TNKS: variants seen among roughly 807,000 people sequenced by gnomAD.
TNKS encodes poly [ADP-ribose] polymerase tankyrase-1.
TNKS carries 72 observed loss-of-function variants against 135.8 expected under a neutral mutation model. The ratio of observed to expected loss-of-function variants is 0.53; its 90% CI spans 0.44 to 0.64. TNKS has a LOEUF of 0.64. Among genes scored for constraint, TNKS ranks in the 30% least tolerant of loss-of-function variants. The pLI, the probability that TNKS is intolerant of heterozygous loss-of-function variation, is 0.00. For missense variants in TNKS, 1,769 were observed against 1,674.0 expected (o/e 1.06, Z -0.99); for synonymous variants, 849 against 649.3 (o/e 1.31, Z -4.68).
intron 3 of TNKS, among the ~76,000 whole-genome samples, chr8:9,639,661 A>G (rs1040461945): frequency 2.0e-5 from 3 of 152,042 alleles, no homozygotes; most frequent in Non-Finnish European, 2.9e-5. Flanking sequence ...CCCTGACTTA[A>G]TTAAATAAAC....
intron 3 of TNKS, among the ~76,000 whole-genome samples, chr8:9,635,109 G>A (rs987727553): frequency 2.6e-5 from 4 of 152,090 alleles, no homozygotes; most frequent in Admixed American, 2.6e-4. Context: ...GGCGGAGCTT[G>A]CAGTGAGCCG....
chr8:9,696,459 A>C (rs1250409187), intron 5 of TNKS, among the ~76,000 whole-genome samples: 3 of 152,160 alleles, frequency 2.0e-5, no homozygotes, highest in African/African-American at 7.2e-5. Context: ...CAGGCAAGAA[A>C]AAGAAATAAA....
In TNKS at chr8:9,733,391, C is replaced by T. The variant is rs1232263203; in HGVS notation, c.2260C>T (p.Leu754Phe). The T allele has an allele frequency of 4.3e-6, 7 of 1,613,516 alleles. No homozygotes were observed. The highest frequency in any genetic ancestry group is 5.9e-6 in the Non-Finnish European group (7 of 1,179,734). The change falls in exon 15 of 27, where the codon CTC becomes TTC. Residue 754 changes from leucine to phenylalanine, a missense_variant. Around this residue, in one of 5 missense-constraint regions of TNKS, gnomAD observed 69 missense variants for 120.3 expected, o/e 0.57. Coordinates refer to ENST00000310430, the MANE Select transcript of TNKS (RefSeq NM_003747.3). ...NVADLWKFTP[L>F]HEAAAKGKYE... ...GGCGGACTTATGGAAATTTACCCCT[C>T]TCCATGAAGCAGCAGCTAAAGGAAA...
At chr8:9,747,027 C>T (rs940945055) in intron 17 of TNKS, among the ~76,000 whole-genome samples, 4 of 151,648 alleles carry the variant, frequency 2.6e-5, no homozygotes, top group African/African-American at 4.8e-5. Context: ...GGATTACAGG[C>T]ATGCACCACC....
At chr8:9,640,208 A>G (rs1467808575) in intron 3 of TNKS, among the ~76,000 whole-genome samples, 1 of 152,278 alleles carries the variant, frequency 6.6e-6, no homozygotes, top group South Asian at 2.1e-4. Context: ...ATTTCTCACA[A>G]TTTCTCACAA....
chr8:9,681,031 T>A, intron 5 of TNKS: 1 of 363,496 alleles, frequency 2.8e-6, no homozygotes, highest in Non-Finnish European at 4.9e-6. Flanking sequence ...CACAGCAAGT[T>A]ATTTGTTACA....
At chr8:9,676,768 A>G (rs1802561327) in intron 3 of TNKS, among the ~76,000 whole-genome samples, 1 of 151,886 alleles carries the variant, frequency 6.6e-6, no homozygotes, top group African/African-American at 2.4e-5. Flanking sequence ...TACCAGTAAA[A>G]ACAATTTAGA....
rs1298361667 is a variant in TNKS at position 9,782,144 on chromosome 8, C to T, written c.*5408C>T. 3 of 152,640 alleles carry T rather than the reference C, an allele frequency of 2.0e-5. No homozygotes were observed. The highest frequency in any genetic ancestry group is 2.1e-4 in the South Asian group (1 of 4,824). The allele number at this position is 152,640 out of a possible 1,614,324, so 9.5% of individuals were successfully genotyped here. ...TGTTAAAGTCCTCTAGTCATCATCT[C>T]GTCACCTGAAATGGAAGTCCTTTTT... On this transcript the variant is annotated 3_prime_UTR_variant, in exon 27 of 27. Coordinates refer to ENST00000310430, the MANE Select transcript of TNKS (RefSeq NM_003747.3).
chr8:9,770,004 C>G, intron 25 of TNKS, 102 bp from the exon 26 acceptor site: 1 of 1,012,112 alleles, frequency 9.9e-7, no homozygotes, highest in South Asian at 1.9e-5. Flanking sequence ...TTTAAATTAG[C>G]TTGCCTTATG....
chr8:9,596,058 C>T (rs1798775493), intron 2 of TNKS, among the ~76,000 whole-genome samples: 1 of 152,126 alleles, frequency 6.6e-6, no homozygotes, highest in East Asian at 1.9e-4. Flanking sequence ...TTGCAGTGAG[C>T]CATAATCACT....
chr8:9,753,416 C>G (rs559466966), intron 20 of TNKS, among the ~76,000 whole-genome samples: 116 of 152,252 alleles, frequency 7.6e-4, no homozygotes, highest in Non-Finnish European at 9.8e-4. Flanking sequence ...CAAAAGTTGG[C>G]CATACATTCC....
At position 9,650,562 on chromosome 8, in the gene TNKS, A is replaced by G. The variant is rs138211675; in HGVS notation, c.995-29389A>G. Reference sequence around the variant, plus strand: ...TGTGGTTTTAATTTGCATTTCCCTGATAGTAATGTTGAGCATTTTTTCATA... The same window carrying G: ...TGTGGTTTTAATTTGCATTTCCCTGGTAGTAATGTTGAGCATTTTTTCATA... On this transcript the variant is annotated intron_variant, in intron 3 of 26. Transcript: ENST00000310430. Among the ~76,000 whole-genome samples the G allele has an allele frequency of 9.9e-5, 15 of 152,156 alleles. No homozygotes were observed. The East Asian group carries it at 1.5e-3, about 16-fold the overall frequency.
At chr8:9,730,858 T>C (rs1563196842) in intron 13 of TNKS, 32 bp from the exon 14 acceptor site, 1 of 1,591,920 alleles carries the variant, frequency 6.3e-7, no homozygotes, top group Non-Finnish European at 8.6e-7. Flanking sequence ...AATGTTCGTT[T>C]TGTGTTTGTC....
intron 7 of TNKS, among the ~76,000 whole-genome samples, 161 bp from the exon 8 acceptor site, chr8:9,706,650 T>G (rs985579354): frequency 6.6e-6 from 1 of 152,264 alleles, no homozygotes; most frequent in Non-Finnish European, 1.5e-5. Context: ...TTTAAAACAT[T>G]GAATTTAATT....
chr8:9,620,845 GTGT>G (rs1186767086), intron 3 of TNKS, among the ~76,000 whole-genome samples: 4 of 152,144 alleles, frequency 2.6e-5, no homozygotes, highest in African/African-American at 9.7e-5. Flanking sequence ...GCATTGCATT[GTGT>G]TGTTGTTATT....
At chr8:9,637,435 A>G (rs1338148563) in intron 3 of TNKS, among the ~76,000 whole-genome samples, 2 of 152,160 alleles carry the variant, frequency 1.3e-5, no homozygotes, top group Admixed American at 6.5e-5. Context: ...CCCCAGGTGA[A>G]TAAAAAATAC....
chr8:9,573,258 C>G (rs1797827686), intron 1 of TNKS, among the ~76,000 whole-genome samples: 3 of 152,124 alleles, frequency 2.0e-5, no homozygotes, highest in African/African-American at 7.2e-5. Context: ...CAAGCAGCCT[C>G]CAGAGCCAGA....
At chr8:9,672,772 A>G (rs1802356634) in intron 3 of TNKS, among the ~76,000 whole-genome samples, 1 of 151,130 alleles carries the variant, frequency 6.6e-6, no homozygotes, top group Non-Finnish European at 1.5e-5. Flanking sequence ...ATTAACACAG[A>G]TAGTTGATGG....
intron 3 of TNKS, among the ~76,000 whole-genome samples, chr8:9,662,214 A>G (rs1801750886): frequency 6.6e-6 from 1 of 152,214 alleles, no homozygotes; most frequent in African/African-American, 2.4e-5. Flanking sequence ...AGAACTAGAA[A>G]TACCATTTGA....
Sources: allele counts gnomAD v4.1 joint callset (sites outside exome capture counted in the v4.1 genomes callset), GRCh38; gene constraint gnomAD v4.1.1; regional missense constraint gnomAD v4.1.1; transcripts MANE v1.5; gene names NCBI Gene and HGNC (gene_info 2026-07-23, HGNC 2026-07-21).